The following SRGAP1 variants were observed in gnomAD, a reference collection of about 807,000 sequenced individuals.
SRGAP1 encodes the protein SLIT-ROBO Rho GTPase activating protein 1, also known as SLIT-ROBO Rho GTPase-activating protein 1.
In SRGAP1, 43 loss-of-function variants were observed where a neutral mutation model predicts 121.9. That is an observed-to-expected ratio of 0.35 (90% CI 0.28 to 0.46). The LOEUF (loss-of-function observed/expected upper bound fraction) is 0.46. Ranked by LOEUF, SRGAP1 falls within the 20% of genes least tolerant of loss-of-function variation. SRGAP1 has a pLI of 1.00. For missense variants in SRGAP1, 1,102 were observed against 1,350.9 expected, an observed-to-expected ratio of 0.82 and a Z score of 2.89; for synonymous variants, 447 against 485.4, an observed-to-expected ratio of 0.92 and a Z score of 1.04.
rs144305862 is a variant in SRGAP1, at chr12:64,100,665, G to T, written c.1813+3290G>T. Among the ~76,000 whole-genome samples, 40 of 152,224 alleles carry T rather than the reference G, an allele frequency of 2.6e-4. No homozygotes were observed. The East Asian group carries it at 7.7e-3, about 29-fold the overall frequency. ...TTTTAGTGCAAAGTTTTACAGAATG[G>T]CAGGTGTTTCAAAAACATACATATT... On this transcript the variant is annotated intron_variant, in intron 15 of 21. Transcript: ENST00000355086.
intron 6 of SRGAP1, among the ~76,000 whole-genome samples, chr12:64,052,786 T>G (rs957649015): frequency 2.0e-5 from 3 of 152,234 alleles, no homozygotes; most frequent in African/African-American, 7.2e-5. Flanking sequence ...GATTTATCTG[T>G]TGTACAGAGT....
Position 63,941,215 on chromosome 12 carries a change from G to C in SRGAP1, c.68-42732G>C, listed in dbSNP as rs192167923. Among the ~76,000 whole-genome samples the C allele has an allele frequency of 1.1e-4, 16 of 151,590 alleles. No homozygotes were observed. The East Asian group carries it at 3.1e-3, about 29-fold the overall frequency. On this transcript the variant is annotated intron_variant, in intron 1 of 21. Transcript: ENST00000355086. ...ACCCCAAAAACCTTTCTCTCCTACT[G>C]TTTGCGCTTTTGCAGTTTGGTACAA...
rs184831399 is a variant in SRGAP1, at chr12:63,867,104, G to A, written c.67+22221G>A. On this transcript the variant is annotated intron_variant, in intron 1 of 21. Coordinates refer to ENST00000355086, the MANE Select transcript of SRGAP1 (RefSeq NM_020762.4). ...GGACTTAAGTGATCCTCTTACCTTG[G>A]CCTTCCAAAGTTCTGGGATTACAAG... Among the ~76,000 whole-genome samples, 1,410 of 152,234 alleles carry A rather than the reference G, an allele frequency of 9.3e-3. 14 individuals are homozygous for A. Among genetic ancestry groups the A allele is most frequent in the South Asian group, 0.022 (108 of 4,824 alleles).
intron 10 of SRGAP1, chr12:64,081,971 TC>T (rs2035851673): frequency 6.6e-6 from 1 of 151,054 alleles, no homozygotes; most frequent in Admixed American, 6.6e-5. Context: ...TCCTGTTTTT[TC>T]TTTTTTCCCT....
intron 4 of SRGAP1, among the ~76,000 whole-genome samples, chr12:64,037,489 C>G (rs1246964718): frequency 6.6e-6 from 1 of 152,252 alleles, no homozygotes; most frequent in African/African-American, 2.4e-5. Flanking sequence ...TTTGACCATA[C>G]TGTCTGCAAC....
chr12:63,866,703 T>G (rs1156268222), intron 1 of SRGAP1, among the ~76,000 whole-genome samples: 1 of 151,938 alleles, frequency 6.6e-6, no homozygotes, highest in Non-Finnish European at 1.5e-5. Flanking sequence ...TGGGATCGTT[T>G]GTAGAATAGT....
intron 1 of SRGAP1, among the ~76,000 whole-genome samples, chr12:63,945,195 A>C (rs527760082): frequency 1.3e-5 from 2 of 151,856 alleles, no homozygotes; most frequent in South Asian, 4.2e-4. Context: ...TCTTGCCATT[A>C]ATGTTAATGA....
chr12:64,042,248 A>ATGTTTTCTACATT (rs1421934447), intron 4 of SRGAP1, among the ~76,000 whole-genome samples: 3 of 152,014 alleles, frequency 2.0e-5, no homozygotes, highest in African/African-American at 7.2e-5. Flanking sequence ...AAGAAAATAA[A>ATGTTTTCTACATT]TGTTTTCTAC....
chr12:64,076,571 A>G (rs2136558547), intron 8 of SRGAP1, among the ~76,000 whole-genome samples: 1 of 152,326 alleles, frequency 6.6e-6, no homozygotes, highest in African/African-American at 2.4e-5. Flanking sequence ...AAAAGATAAT[A>G]AAATATGGAA....
chr12:63,890,710 C>G (rs1436168705), intron 1 of SRGAP1, among the ~76,000 whole-genome samples: 2 of 152,162 alleles, frequency 1.3e-5, no homozygotes, highest in African/African-American at 2.4e-5. Flanking sequence ...CCTGAGCCCC[C>G]ATCCCTGCAA....
intron 1 of SRGAP1, among the ~76,000 whole-genome samples, chr12:63,938,064 G>A (rs775147640): frequency 1.3e-5 from 2 of 152,210 alleles, no homozygotes; most frequent in Non-Finnish European, 2.9e-5. Context: ...AACAGTCTCC[G>A]GAGAGGAACC....
intron 8 of SRGAP1, among the ~76,000 whole-genome samples, chr12:64,071,145 G>A (rs1050724074): frequency 1.4e-4 from 21 of 152,084 alleles, no homozygotes; most frequent in African/African-American, 3.1e-4. Flanking sequence ...AGGATCAACC[G>A]TCTTTCACCG....
intron 19 of SRGAP1, among the ~76,000 whole-genome samples, 195 bp from the exon 20 acceptor site, chr12:64,127,395 G>A (rs1047180016): frequency 1.3e-5 from 2 of 152,170 alleles, no homozygotes; most frequent in Admixed American, 6.5e-5. Context: ...TGAAATTGCT[G>A]TTGTACCTGT....
intron 1 of SRGAP1, among the ~76,000 whole-genome samples, chr12:63,926,543 G>A (rs564208067): frequency 8.0e-4 from 122 of 152,070 alleles, no homozygotes; most frequent in African/African-American, 2.7e-3. Context: ...TGTTTTTTAG[G>A]ATTTTTATTA....
intron 15 of SRGAP1, among the ~76,000 whole-genome samples, chr12:64,102,043 T>C (rs1251459701): frequency 6.6e-6 from 1 of 152,236 alleles, no homozygotes; most frequent in East Asian, 1.9e-4. Context: ...GTACACATTT[T>C]GTTTACAACA....
chr12:63,983,186 C>T (rs899541865), intron 1 of SRGAP1: 1 of 152,170 alleles, frequency 6.6e-6, no homozygotes, highest in Non-Finnish European at 1.5e-5. Flanking sequence ...ATAAAAATTA[C>T]CAGATGTCAG....
In SRGAP1 at chr12:64,151,102, A is replaced by G. The variant is rs953940693; in HGVS notation, c.*8430A>G. 2.6e-5 allele frequency: 4 copies of G among 152,118 alleles called. No homozygotes were observed. Among genetic ancestry groups the G allele is most frequent in the Non-Finnish European group, 4.4e-5 (3 of 68,024 alleles). The allele number at this position is 152,118 out of a possible 1,614,324, so 9.4% of individuals were successfully genotyped here. On this transcript the variant is annotated 3_prime_UTR_variant, in exon 22 of 22. Transcript: ENST00000355086. ...ATTTTAAGTAAGCCAAAAATCTATT[A>G]TATAGTCATAAGTCAAACTCAGTTA...
chr12:63,968,411 A>G (rs1160536761), intron 1 of SRGAP1, among the ~76,000 whole-genome samples: 1 of 152,236 alleles, frequency 6.6e-6, no homozygotes, highest in African/African-American at 2.4e-5. Context: ...CAGATTTGGC[A>G]TAACTGCATC....
chr12:64,089,488 G>A (rs532586222), intron 11 of SRGAP1, among the ~76,000 whole-genome samples: 3 of 152,162 alleles, frequency 2.0e-5, no homozygotes, highest in South Asian at 4.1e-4. Flanking sequence ...TGGCCTCCCC[G>A]TACCTGAATA....
Sources: allele counts gnomAD v4.1 joint callset (sites outside exome capture counted in the v4.1 genomes callset), GRCh38; gene constraint gnomAD v4.1.1; transcripts MANE v1.5; gene names NCBI Gene and HGNC (gene_info 2026-07-23, HGNC 2026-07-21).